The following CSMD1 variants were observed in gnomAD, a reference collection of about 807,000 sequenced individuals.
The protein encoded by CSMD1 is CUB and Sushi multiple domains 1.
A neutral mutation model predicts 417.5 loss-of-function variants in CSMD1; 213 were observed. That is an observed-to-expected ratio of 0.51 (90% CI 0.46 to 0.57). The LOEUF (loss-of-function observed/expected upper bound fraction) is 0.57. CSMD1 is among the 20% of genes least tolerant of loss of function. The pLI is 0.00. For missense variants in CSMD1, 6,923 were observed against 4,529.7 expected, an observed-to-expected ratio of 1.53 and a Z score of -15.17; for synonymous variants, 2,862 against 1,736.8, an observed-to-expected ratio of 1.65 and a Z score of -16.11.
chr8:3,595,805 C>G (rs1202520696), intron 8 of CSMD1, among the ~76,000 whole-genome samples: 3 of 152,160 alleles, frequency 2.0e-5, no homozygotes, highest in African/African-American at 7.2e-5. Flanking sequence ...AAATTAAATC[C>G]TCACGTTCAC....
chr8:2,955,835 T>C, intron 63 of CSMD1, 67 bp from the exon 64 acceptor site: 1 of 1,420,016 alleles, frequency 7.0e-7, no homozygotes, highest in East Asian at 2.3e-5. Context: ...TCTAGAGAAA[T>C]TAATAGATTA....
intron 3 of CSMD1, among the ~76,000 whole-genome samples, chr8:4,356,576 T>G (rs544916832): frequency 1.3e-5 from 2 of 152,308 alleles, no homozygotes; most frequent in East Asian, 3.9e-4. Flanking sequence ...TCTGTTTCAG[T>G]CCATTTTTAC....
At chr8:3,131,858 A>C (rs372974476) in intron 41 of CSMD1, among the ~76,000 whole-genome samples, 5 of 152,204 alleles carry the variant, frequency 3.3e-5, no homozygotes, top group African/African-American at 1.2e-4. Context: ...AAAAATACAT[A>C]ATATTGTTAT....
intron 3 of CSMD1, among the ~76,000 whole-genome samples, chr8:4,163,600 G>C (rs188814047): frequency 6.6e-6 from 1 of 152,254 alleles, no homozygotes; most frequent in East Asian, 1.9e-4. Flanking sequence ...GTTTTAAAGT[G>C]AGTGTTTTTT....
At chr8:4,837,909 A>G (rs1393535259) in intron 1 of CSMD1, among the ~76,000 whole-genome samples, 1 of 152,126 alleles carries the variant, frequency 6.6e-6, no homozygotes, top group African/African-American at 2.4e-5. Flanking sequence ...TTAAAAAAAA[A>G]TAAAAATAAA....
At chr8:4,447,783 G>A (rs971792434) in intron 2 of CSMD1, among the ~76,000 whole-genome samples, 4 of 152,092 alleles carry the variant, frequency 2.6e-5, no homozygotes, top group Admixed American at 1.3e-4. Context: ...TGTTATAAAA[G>A]GAGAAGAAAA....
At chr8:3,549,955 G>A (rs78069928) in intron 10 of CSMD1, among the ~76,000 whole-genome samples, 4,538 of 152,190 alleles carry the variant, frequency 0.03, 165 homozygotes, top group African/African-American at 0.085. Flanking sequence ...GAAATAATTA[G>A]GTATCTTGGA....
chr8:3,740,785 T>C (rs1694759773), intron 6 of CSMD1, among the ~76,000 whole-genome samples: 2 of 152,182 alleles, frequency 1.3e-5, no homozygotes, highest in South Asian at 4.1e-4. Context: ...GAAGAATCAC[T>C]GTGTTTACCT....
chr8:4,114,679 T>C (rs1486306476), intron 3 of CSMD1, among the ~76,000 whole-genome samples: 1 of 152,206 alleles, frequency 6.6e-6, no homozygotes, highest in Admixed American at 6.5e-5. Flanking sequence ...AAAATTGTGC[T>C]TCATGGGAGG....
intron 1 of CSMD1, among the ~76,000 whole-genome samples, chr8:4,844,699 A>C (rs1300672161): frequency 6.6e-6 from 1 of 152,178 alleles, no homozygotes; most frequent in Non-Finnish European, 1.5e-5. Context: ...ATTATCTTAG[A>C]CTCTAAACAA....
At chr8:3,543,291 T>G (rs34711253) in intron 10 of CSMD1, among the ~76,000 whole-genome samples, 7,183 of 152,242 alleles carry the variant, frequency 0.047, 484 homozygotes, top group African/African-American at 0.15. Context: ...CGGAGAACAT[T>G]ATTAGAATAA....
intron 1 of CSMD1, among the ~76,000 whole-genome samples, chr8:4,857,084 A>G (rs1224375747): frequency 6.7e-6 from 1 of 149,656 alleles, no homozygotes; most frequent in African/African-American, 2.5e-5. Flanking sequence ...CCACAGTGCA[A>G]TCAAACTAGA....
chr8:4,849,068 G>T (rs1662698936), intron 1 of CSMD1, among the ~76,000 whole-genome samples: 1 of 152,146 alleles, frequency 6.6e-6, no homozygotes, highest in African/African-American at 2.4e-5. Flanking sequence ...CCTTCTAGTG[G>T]GACAAAATTT....
chr8:3,896,409 G>A (rs1807368553), intron 5 of CSMD1, among the ~76,000 whole-genome samples: 1 of 152,152 alleles, frequency 6.6e-6, no homozygotes, highest in Non-Finnish European at 1.5e-5. Flanking sequence ...ATCTTCACAT[G>A]GAAAATGCTA....
At chr8:3,359,563 C>T (rs1300993959) in intron 20 of CSMD1, among the ~76,000 whole-genome samples, 1 of 145,836 alleles carries the variant, frequency 6.9e-6, no homozygotes, top group Admixed American at 6.9e-5. Flanking sequence ...TAAGAATTGA[C>T]AGGTAAGAAT....
At chr8:4,980,395 G>C (rs769556368) in intron 1 of CSMD1, among the ~76,000 whole-genome samples, 2 of 152,194 alleles carry the variant, frequency 1.3e-5, no homozygotes, top group Non-Finnish European at 1.5e-5. Context: ...GAGTGAGATG[G>C]AGAGGCAGGT....
intron 39 of CSMD1, among the ~76,000 whole-genome samples, chr8:3,155,358 G>GTTTTTTTTTTTTT (rs763097673): frequency 4.8e-4 from 23 of 48,098 alleles, no homozygotes; most frequent in South Asian, 9.9e-4. Context: ...TCAAGGCTGG[G>GTTTTTTTTTTTTT]ATTTTTTTTT....
intron 3 of CSMD1, among the ~76,000 whole-genome samples, chr8:4,206,458 A>G (rs563859669): frequency 2.6e-5 from 4 of 152,040 alleles, no homozygotes; most frequent in East Asian, 1.9e-4. Context: ...TCCTTGTGAT[A>G]GTTTGCTCAG....
At chr8:4,264,297 G>T (rs1804090738) in intron 3 of CSMD1, among the ~76,000 whole-genome samples, 1 of 152,080 alleles carries the variant, frequency 6.6e-6, no homozygotes. Flanking sequence ...ATTGTACGTA[G>T]AATTTCAAAA....
Sources: allele counts gnomAD v4.1 joint callset (sites outside exome capture counted in the v4.1 genomes callset), GRCh38; gene constraint gnomAD v4.1.1; transcripts MANE v1.5; gene names NCBI Gene and HGNC (gene_info 2026-07-23, HGNC 2026-07-21).